Variants in PIGQ observed in about 807,000 individuals in gnomAD.
PIGQ encodes the protein phosphatidylinositol glycan anchor biosynthesis class Q.
A neutral mutation model predicts 60.3 loss-of-function variants in PIGQ; 54 were observed. That is an observed-to-expected ratio of 0.90 (90% CI 0.72 to 1.12). The LOEUF (loss-of-function observed/expected upper bound fraction) is 1.12. Among genes scored for constraint, PIGQ ranks in the 50% most tolerant of loss-of-function variants. The pLI, the probability that PIGQ is intolerant of heterozygous loss-of-function variation, is 0.00. For synonymous variants in PIGQ, 416 were observed against 363.7 expected (o/e 1.14, Z -1.64); for missense variants, 799 against 793.5 (o/e 1.01, Z -0.08).
At chr16:581,760 CTT>C (rs59948933) in intron 9 of PIGQ, 28 of 82,968 alleles carry the variant, frequency 3.4e-4, no homozygotes, top group Admixed American at 4.6e-4. Context: ...CCGTGCCCGG[CTT>C]TTTTTTTTTT....
At chr16:570,211 A>G (rs1340615419) in intron 1 of PIGQ, 115 bp downstream of exon 1, 2 of 151,864 alleles carry the variant, frequency 1.3e-5, no homozygotes, top group East Asian at 3.9e-4. Context: ...TTCTCCTCCC[A>G]GAAGTGGGGC....
chr16:579,272 C>G, intron 7 of PIGQ, 92 bp downstream of exon 7: 2 of 976,734 alleles, frequency 2.0e-6, no homozygotes, highest in Non-Finnish European at 3.2e-6. Flanking sequence ...AAGGGGGCAG[C>G]CTGCTCCCGT....
chr16:580,153 G>A, intron 7 of PIGQ, 30 bp from the exon 8 acceptor site: 1 of 1,585,200 alleles, frequency 6.3e-7, no homozygotes, highest in Non-Finnish European at 8.6e-7. Flanking sequence ...GGGTCCTGCT[G>A]ATGCCCGGTG....
rs565057662 is a variant in PIGQ at position 574,048 on chromosome 16, TC to T, written c.-9-17del. 5.0e-5 allele frequency: 78 copies of T among 1,554,662 alleles called. No homozygotes were observed. The Admixed American group carries it at 5.9e-4, about 12-fold the overall frequency. On this transcript the variant is annotated splice_polypyrimidine_tract_variant and intron_variant, in intron 1 of 10. Transcript: ENST00000321878. Reference sequence around the variant, plus strand: ...GGCAGCAGCAGCTCTGAGCCGAGCCTCTCCTCTTCTCTTCCAGCCTCCCGGC... The same window carrying T: ...GGCAGCAGCAGCTCTGAGCCGAGCCTTCCTCTTCTCTTCCAGCCTCCCGGC...
In PIGQ at chr16:583,732, C is replaced by A. The variant is rs531248463; in HGVS notation, c.*697C>A. The A allele has an allele frequency of 5.8e-5, 80 of 1,378,982 alleles. No homozygotes were observed. The Admixed American group carries it at 8.8e-4, about 15-fold the overall frequency. 85.4% of individuals were successfully genotyped at this position (1,378,982 alleles called of 1,614,324 possible). On this transcript the variant is annotated 3_prime_UTR_variant, in exon 11 of 11. Coordinates refer to ENST00000321878, the MANE Select transcript of PIGQ (RefSeq NM_004204.5). ...GCCCACTGACCCAGCCGTACCTATTCGTCCACGGTGCCCCGTAGCAGCAGG... is the reference window on the plus strand; with the variant it reads ...GCCCACTGACCCAGCCGTACCTATTAGTCCACGGTGCCCCGTAGCAGCAGG...
At chr16:578,640 G>C (rs967388905) in intron 5 of PIGQ, 135 bp downstream of exon 5, 1 of 1,406,808 alleles carries the variant, frequency 7.1e-7, no homozygotes, top group Non-Finnish European at 9.8e-7. Context: ...GCTGTGCTCA[G>C]CTGAGGGCTG....
chr16:579,977 C>T, intron 7 of PIGQ: 1 of 466,202 alleles, frequency 2.1e-6, no homozygotes, highest in Non-Finnish European at 3.8e-6. Context: ...CTGGCCCCCA[C>T]CTGTCTCCCT....
intron 9 of PIGQ, chr16:581,736 AC>A (rs1715800482): frequency 6.2e-6 from 1 of 160,604 alleles, no homozygotes; most frequent in South Asian, 1.5e-4. Context: ...TGCTGGGATT[AC>A]AGGCACGAGC....
rs531866046 is a variant in PIGQ, at chr16:577,619, A to C, written c.943-760A>C. ...AAAGTGTTCTTTTCTCCTTCTTGCC[A>C]GTCCTGCTGTGGCTGAGGCCTTGGC... On this transcript the variant is annotated intron_variant, in intron 4 of 10. Transcript: ENST00000321878. Among the ~76,000 whole-genome samples, 3 of 150,718 alleles carry C rather than the reference A, an allele frequency of 2.0e-5. No individual in the cohort carries two copies. In the South Asian group the frequency reaches 6.3e-4, roughly 32 times the overall value.
At chr16:571,077 G>GGCTAGCC (rs1413358552) in intron 1 of PIGQ, among the ~76,000 whole-genome samples, 7 of 10,048 alleles carry the variant, frequency 7.0e-4, no homozygotes, top group African/African-American at 3.0e-3. Context: ...GTGTGTGTGT[G>GGCTAGCC]TGTGTGTGTG....
Position 582,052 on chromosome 16 carries a change from G to A in PIGQ, c.1532-196G>A, listed in dbSNP as rs188843005. 2.7e-5 allele frequency: 18 copies of A among 667,666 alleles called. No homozygotes were observed. In the East Asian group the frequency reaches 3.6e-4, roughly 14 times the overall value. 41.4% of individuals were successfully genotyped at this position (667,666 alleles called of 1,614,324 possible). A position where few individuals can be genotyped will look rare whatever the true frequency, so the allele number is the denominator to read the frequency against. Reference sequence around the variant, plus strand: ...ATTACAGGCGTGAGCCACCGTGCCTGGCTGCAGGAGGCTTTGATGCCGGCC... The same window carrying A: ...ATTACAGGCGTGAGCCACCGTGCCTAGCTGCAGGAGGCTTTGATGCCGGCC... On this transcript the variant is annotated intron_variant, in intron 9 of 10. Transcript: ENST00000321878.
intron 10 of PIGQ, chr16:582,513 A>C: frequency 1.7e-6 from 1 of 580,528 alleles, no homozygotes; most frequent in South Asian, 2.3e-5. Context: ...GGTCCTGTGG[A>C]TGGGGCCCAT....
intron 1 of PIGQ, among the ~76,000 whole-genome samples, chr16:571,560 A>C: frequency 1.2e-5 from 1 of 80,494 alleles, no homozygotes; most frequent in Non-Finnish European, 2.2e-5. Flanking sequence ...GTGTCTGGCT[A>C]GCCTGGTGCC....
Position 582,952 on chromosome 16 carries a change from C to T in PIGQ, c.1663C>T (p.His555Tyr). The T allele has an allele frequency of 6.2e-7, 1 of 1,612,974 alleles. No homozygotes were observed. The highest frequency in any genetic ancestry group is 8.5e-7 in the Non-Finnish European group (1 of 1,179,908). ...RLPSCGCHPKHSWGALCRKLF... is the reference protein window; with the variant it reads ...RLPSCGCHPKYSWGALCRKLF... ...CCCCAGCTGTGGCTGCCACCCCAAG[C>T]ACTCCTGGGGCGCCCTGTGCCGCAA... The change falls in exon 11 of 11, where the codon CAC becomes TAC. Residue 555 changes from histidine to tyrosine, a missense_variant. Coordinates refer to ENST00000321878, the MANE Select transcript of PIGQ (RefSeq NM_004204.5).
intron 4 of PIGQ, 103 bp from the exon 5 acceptor site, chr16:578,276 G>C: frequency 8.1e-7 from 1 of 1,237,330 alleles, no homozygotes; most frequent in Admixed American, 2.2e-5. Context: ...CCCTGGAGGA[G>C]GGAAGGCTGG....
chr16:572,114 C>G (rs1051639780), intron 1 of PIGQ, among the ~76,000 whole-genome samples: 1 of 152,210 alleles, frequency 6.6e-6, no homozygotes, highest in Non-Finnish European at 1.5e-5. Flanking sequence ...TCTTCCCCAG[C>G]AGGGCGTGAT....
intron 1 of PIGQ, among the ~76,000 whole-genome samples, chr16:571,434 CTGTGTGTGTG>C (rs3074406): frequency 1.3e-5 from 1 of 75,058 alleles, no homozygotes; most frequent in Admixed American, 1.6e-4. Context: ...TCTGGTTAGC[CTGTGTGTGTG>C]TGTGTGTGTT....
rs756313350 is a variant in PIGQ, at chr16:574,404, C to G, written c.330C>G (p.Thr110=). ...RGGTFWSCEA[T]HRQAPTAPGA... ...GCACGTTCTGGAGCTGCGAGGCCACCCACCGGCAAGCGCCCACTGCCCCCG... is the reference window on the plus strand; with the variant it reads ...GCACGTTCTGGAGCTGCGAGGCCACGCACCGGCAAGCGCCCACTGCCCCCG... Residue 110 remains threonine, a synonymous_variant, in exon 2 of 11, where the codon ACC becomes ACG. Coordinates refer to ENST00000321878, the MANE Select transcript of PIGQ (RefSeq NM_004204.5). 6 of 1,610,636 alleles carry G rather than the reference C, an allele frequency of 3.7e-6. No homozygotes were observed. The South Asian group carries it at 6.6e-5, about 18-fold the overall frequency.
chr16:571,078 T>G (rs2035611958), intron 1 of PIGQ, among the ~76,000 whole-genome samples: 1 of 8,488 alleles, frequency 1.2e-4, no homozygotes, highest in African/African-American at 5.3e-4. Context: ...TGTGTGTGTG[T>G]GTGTGTGTGT....
Sources: gnomAD v4.1 joint callset for allele counts (sites outside exome capture counted in the v4.1 genomes callset) on GRCh38, gnomAD v4.1.1 for gene constraint, MANE v1.5 for transcripts, NCBI Gene and HGNC (gene_info 2026-07-23, HGNC 2026-07-21) for gene names.